The following IL1RAPL1 variants were observed in gnomAD, a reference collection of about 807,000 sequenced individuals.
IL1RAPL1 encodes the protein interleukin-1 receptor accessory protein-like 1.
In IL1RAPL1, 3 loss-of-function variants were observed where a neutral mutation model predicts 48.4. The observed-to-expected ratio is 0.06, with a 90% CI of 0.03 to 0.16. The LOEUF (loss-of-function observed/expected upper bound fraction) is 0.16, where lower values mean the gene tolerates loss of function less well. IL1RAPL1 is among the 10% of genes least tolerant of loss of function. The pLI, the probability that IL1RAPL1 is intolerant of heterozygous loss-of-function variation, is 1.00. For synonymous variants in IL1RAPL1, 185 were observed against 187.7 expected (o/e 0.99, Z 0.12); for missense variants, 349 against 530.6 (o/e 0.66, Z 3.36).
intron 2 of IL1RAPL1, among the ~76,000 whole-genome samples, chrX:29,207,249 C>A: frequency 8.9e-6 from 1 of 111,745 alleles, no homozygotes; most frequent in African/African-American, 3.2e-5. Context: ...TTGAAGTCAT[C>A]AAAGATAAAG....
intron 2 of IL1RAPL1, among the ~76,000 whole-genome samples, chrX:28,854,653 C>A (rs1921757586): frequency 9.0e-6 from 1 of 110,551 alleles, no homozygotes; most frequent in South Asian, 3.9e-4. Context: ...AGAGACCAAA[C>A]GCAAAATCCT....
intron 1 of IL1RAPL1, among the ~76,000 whole-genome samples, chrX:28,713,965 A>G (rs919345221): frequency 8.9e-6 from 1 of 112,218 alleles, no homozygotes; most frequent in East Asian, 2.8e-4. Context: ...TTTAATAGAC[A>G]TGTCTTGTAA....
At chrX:29,111,103 C>T (rs1602061196) in intron 2 of IL1RAPL1, among the ~76,000 whole-genome samples, 1 of 110,799 alleles carries the variant, frequency 9.0e-6, no homozygotes, top group East Asian at 2.8e-4. Context: ...ATATATGATA[C>T]AAAGAATAAT....
rs374359817 is a variant in IL1RAPL1 at position 29,118,400 on chromosome X, G to A, written c.83-164538G>A. Reference sequence around the variant, plus strand: ...ACAGAGAAGTTAAAATAATTTACTCGTGGTTACAGAGCCAGGAAGTTCTAG... The same window carrying A: ...ACAGAGAAGTTAAAATAATTTACTCATGGTTACAGAGCCAGGAAGTTCTAG... On this transcript the variant is annotated intron_variant, in intron 2 of 10. Coordinates refer to ENST00000378993, the MANE Select transcript of IL1RAPL1 (RefSeq NM_014271.4). 7.0e-4 allele frequency among the ~76,000 whole-genome samples: 78 copies of A among 111,551 alleles called. 2 individuals are homozygous for A. The highest frequency in any genetic ancestry group is 4.2e-3 in the East Asian group (15 of 3,550).
intron 2 of IL1RAPL1, among the ~76,000 whole-genome samples, chrX:28,959,339 C>T (rs982226609): frequency 9.0e-6 from 1 of 111,166 alleles, no homozygotes; most frequent in African/African-American, 3.3e-5. Flanking sequence ...TATCCTAGTG[C>T]TGTATTTTTA....
chrX:29,082,065 A>T (rs751235582), intron 2 of IL1RAPL1, among the ~76,000 whole-genome samples: 1 of 111,920 alleles, frequency 8.9e-6, no homozygotes, highest in African/African-American at 3.2e-5. Flanking sequence ...GACTTTGCCA[A>T]ACTTTGATTT....
At chrX:29,694,412 G>T (rs1926855261) in intron 6 of IL1RAPL1, among the ~76,000 whole-genome samples, 1 of 111,941 alleles carries the variant, frequency 8.9e-6, no homozygotes, top group Non-Finnish European at 1.9e-5. Flanking sequence ...ATATCAATCA[G>T]GGATAGCAGG....
intron 2 of IL1RAPL1, among the ~76,000 whole-genome samples, chrX:28,885,086 A>G (rs1345029421): frequency 2.7e-5 from 3 of 111,821 alleles, no homozygotes; most frequent in Non-Finnish European, 3.8e-5. Context: ...ACAGCCAATT[A>G]GGAACTGTGA....
At chrX:29,176,722 A>G (rs17282570) in intron 2 of IL1RAPL1, among the ~76,000 whole-genome samples, 1,286 of 110,531 alleles carry the variant, frequency 0.012, 11 homozygotes, top group Non-Finnish European at 0.016. Flanking sequence ...TGGTGAATAG[A>G]CTTTCTGTAT....
chrX:29,476,091 C>G (rs987544944), intron 5 of IL1RAPL1, among the ~76,000 whole-genome samples: 2 of 111,200 alleles, frequency 1.8e-5, no homozygotes, highest in Non-Finnish European at 1.9e-5. Flanking sequence ...TGGAGTAAAA[C>G]GTAAAAGCAG....
intron 5 of IL1RAPL1, among the ~76,000 whole-genome samples, chrX:29,535,134 CAAAAAAAA>C (rs35842937): frequency 1.8e-4 from 4 of 22,583 alleles, no homozygotes; most frequent in Non-Finnish European, 2.1e-4. Context: ...ACTCTGTCTC[CAAAAAAAA>C]AAAAAAAAAA....
At chrX:29,073,128 C>T (rs1927599732) in intron 2 of IL1RAPL1, among the ~76,000 whole-genome samples, 1 of 111,936 alleles carries the variant, frequency 8.9e-6, no homozygotes, top group Admixed American at 9.4e-5. Flanking sequence ...ATCTCCCTCA[C>T]CTATATCTGC....
chrX:29,803,339 A>G (rs1382053166), intron 6 of IL1RAPL1, among the ~76,000 whole-genome samples: 1 of 69,607 alleles, frequency 1.4e-5, no homozygotes, highest in East Asian at 4.8e-4. Flanking sequence ...GTATACACAT[A>G]TGTATATATG....
At chrX:29,201,078 T>A (rs1431035299) in intron 2 of IL1RAPL1, among the ~76,000 whole-genome samples, 1 of 111,305 alleles carries the variant, frequency 9.0e-6, no homozygotes, top group Non-Finnish European at 1.9e-5. Flanking sequence ...TGATTTTTGG[T>A]ATTTGATTAG....
rs746117037 is a variant in IL1RAPL1 at position 29,794,129 on chromosome X, G to T, written c.779-123335G>T. 2.7e-5 allele frequency among the ~76,000 whole-genome samples: 3 copies of T among 111,894 alleles called. No individual in the cohort carries two copies. The Admixed American group carries it at 2.8e-4, about 11-fold the overall frequency. ...TGAATTATGAATTATGATATGTTCA[G>T]GTCATGCTTTTTTGCATTCATTTTT... On this transcript the variant is annotated intron_variant, in intron 6 of 10. Transcript: ENST00000378993.
intron 2 of IL1RAPL1, among the ~76,000 whole-genome samples, chrX:29,064,194 GA>G (rs1479997585): frequency 8.9e-6 from 1 of 112,209 alleles, no homozygotes; most frequent in Non-Finnish European, 1.9e-5. Context: ...TCATTTAGAG[GA>G]GGATTGAGCA....
intron 6 of IL1RAPL1, among the ~76,000 whole-genome samples, chrX:29,847,066 T>A (rs1931265474): frequency 1.8e-5 from 2 of 111,501 alleles, no homozygotes; most frequent in South Asian, 7.5e-4. Flanking sequence ...TCCTAAGGGT[T>A]ACTAAAAATA....
intron 5 of IL1RAPL1, among the ~76,000 whole-genome samples, chrX:29,536,145 A>T (rs1205450160): frequency 8.9e-6 from 1 of 112,155 alleles, no homozygotes; most frequent in Non-Finnish European, 1.9e-5. Flanking sequence ...TAAGAGAAAA[A>T]TTTTTAAAAG....
chrX:28,843,075 C>T (rs1478739590), intron 2 of IL1RAPL1, among the ~76,000 whole-genome samples: 2 of 110,182 alleles, frequency 1.8e-5, no homozygotes, highest in African/African-American at 6.6e-5. Context: ...TAAAATTTCC[C>T]TTTTTTTCTG....
Sources: allele counts gnomAD v4.1 joint callset (sites outside exome capture counted in the v4.1 genomes callset), GRCh38; gene constraint gnomAD v4.1.1; transcripts MANE v1.5; gene names NCBI Gene and HGNC (gene_info 2026-07-23, HGNC 2026-07-21).